The following CSMD1 variants were observed in gnomAD, a reference collection of about 807,000 sequenced individuals.
The protein encoded by CSMD1 is CUB and Sushi multiple domains 1.
In CSMD1, 213 loss-of-function variants were observed where a neutral mutation model predicts 417.5. The ratio of observed to expected loss-of-function variants is 0.51; its 90% CI spans 0.46 to 0.57. The LOEUF is 0.57. Ranked by LOEUF, CSMD1 falls within the 20% of genes least tolerant of loss-of-function variation. The probability of loss-of-function intolerance (pLI) is 0.00; values close to 1 mark genes in which losing one functional copy is unlikely to be tolerated. For synonymous variants in CSMD1, 2,862 were observed against 1,736.8 expected (o/e 1.65, Z -16.11); for missense variants, 6,923 against 4,529.7 (o/e 1.53, Z -15.17).
intron 2 of CSMD1, among the ~76,000 whole-genome samples, chr8:4,454,966 G>A (rs973435907): frequency 9.9e-5 from 15 of 152,062 alleles, no homozygotes; most frequent in Non-Finnish European, 1.9e-4. Flanking sequence ...TTTCTTCATG[G>A]ACCTGGGATG....
At chr8:3,598,839 T>C (rs1173695160) in intron 8 of CSMD1, among the ~76,000 whole-genome samples, 1 of 151,992 alleles carries the variant, frequency 6.6e-6, no homozygotes, top group Non-Finnish European at 1.5e-5. Context: ...TCCCAGCACT[T>C]TGGGAGGCCG....
At chr8:4,584,715 C>A (rs907127016) in intron 2 of CSMD1, among the ~76,000 whole-genome samples, 1 of 152,178 alleles carries the variant, frequency 6.6e-6, no homozygotes, top group South Asian at 2.1e-4. Context: ...TCTATCCTAT[C>A]TATCCTGACC....
rs78737165 is a variant in CSMD1, at chr8:3,487,141, A to G, written c.1448+6482T>C. The stretch of plus-strand genomic sequence containing the variant: ...AGCATTATACAGAAATGACTTGGTT[A>G]TTCCAGTAACTGGGCCGCTCTCTTC... On this transcript the variant is annotated intron_variant, in intron 11 of 69. Transcript: ENST00000635120. Among the ~76,000 whole-genome samples, 1,606 of 152,328 alleles carry G rather than the reference A, an allele frequency of 0.011. 59 individuals are homozygous for G. The East Asian group carries it at 0.13, about 13-fold the overall frequency.
intron 8 of CSMD1, among the ~76,000 whole-genome samples, chr8:3,587,271 T>C (rs190677748): frequency 6.6e-6 from 1 of 152,212 alleles, no homozygotes; most frequent in Admixed American, 6.5e-5. Context: ...GAGATCAGGT[T>C]TGAACACCAC....
Position 4,963,293 on chromosome 8 carries a change from G to A in CSMD1, c.85+31039C>T, listed in dbSNP as rs117440100. On this transcript the variant is annotated intron_variant, in intron 1 of 69. Transcript: ENST00000635120. ...TTGACTCACTGTAACCTCCACCTCC[G>A]GGGTTCAAGCAATCATGTGCCTCAG... Among the ~76,000 whole-genome samples the A allele has an allele frequency of 5.0e-3, 758 of 152,168 alleles. 2 individuals are homozygous for A. The highest frequency in any genetic ancestry group is 7.6e-3 in the Non-Finnish European group (519 of 68,002).
chr8:4,293,332 T>C (rs1018315057), intron 3 of CSMD1, among the ~76,000 whole-genome samples: 1 of 152,206 alleles, frequency 6.6e-6, no homozygotes. Context: ...CTGAAATTAC[T>C]TGTGCAAATA....
chr8:4,020,866 G>T (rs139618241), intron 4 of CSMD1, among the ~76,000 whole-genome samples: 2 of 152,076 alleles, frequency 1.3e-5, no homozygotes, highest in Non-Finnish European at 2.9e-5. Flanking sequence ...ATTTTAAAAG[G>T]GACCCTATTT....
intron 5 of CSMD1, among the ~76,000 whole-genome samples, chr8:3,914,261 G>A (rs993518132): frequency 6.6e-6 from 1 of 152,126 alleles, no homozygotes; most frequent in South Asian, 2.1e-4. Context: ...TAGTTAGAGA[G>A]GTTGCATACT....
intron 1 of CSMD1, among the ~76,000 whole-genome samples, chr8:4,870,561 A>C (rs558273597): frequency 2.6e-5 from 4 of 152,188 alleles, no homozygotes; most frequent in Admixed American, 6.5e-5. Context: ...TGTCAGTCTC[A>C]GCCAGGCTTC....
At chr8:4,318,240 G>C (rs903938648) in intron 3 of CSMD1, among the ~76,000 whole-genome samples, 1 of 152,046 alleles carries the variant, frequency 6.6e-6, no homozygotes, top group Non-Finnish European at 1.5e-5. Flanking sequence ...TGTCACTGTA[G>C]AAAGAAATGA....
intron 1 of CSMD1, among the ~76,000 whole-genome samples, chr8:4,830,669 T>G (rs1365698448): frequency 6.6e-6 from 1 of 152,236 alleles, no homozygotes; most frequent in East Asian, 1.9e-4. Flanking sequence ...AAAATCCACT[T>G]AATGCATGCC....
intron 2 of CSMD1, among the ~76,000 whole-genome samples, chr8:4,464,637 G>A (rs369423422): frequency 3.9e-5 from 6 of 152,246 alleles, no homozygotes; most frequent in Non-Finnish European, 8.8e-5. Flanking sequence ...AGAGTCCCAA[G>A]TTGAACCATG....
intron 5 of CSMD1, among the ~76,000 whole-genome samples, chr8:3,978,974 G>A (rs1813648764): frequency 6.6e-6 from 1 of 152,190 alleles, no homozygotes; most frequent in Non-Finnish European, 1.5e-5. Flanking sequence ...CTGCCTCCTA[G>A]AAGCTTGCAT....
In CSMD1 at chr8:4,671,827, C is replaced by T. The variant is rs566914649; in HGVS notation, c.86-34269G>A. On this transcript the variant is annotated intron_variant, in intron 1 of 69. Transcript: ENST00000635120. The stretch of plus-strand genomic sequence containing the variant: ...CCTGAAGGAGCCAGCGAAAAACTTA[C>T]GTTTGAGGAGTTTCATTTATGCTTC... 5.3e-5 allele frequency among the ~76,000 whole-genome samples: 8 copies of T among 152,238 alleles called. No homozygotes were observed. The South Asian group carries it at 8.3e-4, about 16-fold the overall frequency.
intron 1 of CSMD1, among the ~76,000 whole-genome samples, chr8:4,851,267 G>C (rs556103161): frequency 1.3e-5 from 2 of 151,860 alleles, no homozygotes; most frequent in South Asian, 4.2e-4. Context: ...TCCCTACAAA[G>C]GACATGAACT....
At chr8:3,478,450 G>T (rs1053014486) in intron 11 of CSMD1, among the ~76,000 whole-genome samples, 1 of 152,106 alleles carries the variant, frequency 6.6e-6, no homozygotes, top group Non-Finnish European at 1.5e-5. Flanking sequence ...CCCCCTCTGT[G>T]TAAAACACAA....
At chr8:4,511,255 G>C (rs545813212) in intron 2 of CSMD1, among the ~76,000 whole-genome samples, 1 of 152,042 alleles carries the variant, frequency 6.6e-6, no homozygotes, top group Non-Finnish European at 1.5e-5. Context: ...CAGACTTGGC[G>C]GCCGATTTCC....
chr8:3,788,059 G>C (rs1202551880), intron 5 of CSMD1, among the ~76,000 whole-genome samples: 1 of 152,154 alleles, frequency 6.6e-6, no homozygotes, highest in East Asian at 1.9e-4. Flanking sequence ...GGCTCAAAAA[G>C]CCTCTCCATC....
intron 6 of CSMD1, among the ~76,000 whole-genome samples, chr8:3,710,134 C>A (rs1172151410): frequency 6.8e-6 from 1 of 148,064 alleles, no homozygotes; most frequent in Non-Finnish European, 1.5e-5. Context: ...GGATTTTTTT[C>A]CTGATATTTT....
Sources: allele counts gnomAD v4.1 joint callset (sites outside exome capture counted in the v4.1 genomes callset), GRCh38; gene constraint gnomAD v4.1.1; transcripts MANE v1.5; gene names NCBI Gene and HGNC (gene_info 2026-07-23, HGNC 2026-07-21).